Variants in DNAH7 observed in about 807,000 individuals in gnomAD.
DNAH7 encodes the protein dynein axonemal heavy chain 7.
Under a neutral mutation model 444.6 loss-of-function variants are expected in DNAH7, and 397 were observed. The ratio of observed to expected loss-of-function variants is 0.89; its 90% CI spans 0.82 to 0.97. The LOEUF is 0.97. Among genes scored for constraint, DNAH7 ranks in the 50% least tolerant of loss-of-function variants. The pLI is 0.00. For missense variants in DNAH7, 4,902 were observed against 4,800.8 expected, an observed-to-expected ratio of 1.02 and a Z score of -0.62; for synonymous variants, 1,636 against 1,624.4, an observed-to-expected ratio of 1.01 and a Z score of -0.17.
At chr2:195,966,503 T>C (rs1418858472) in intron 17 of DNAH7, among the ~76,000 whole-genome samples, 1 of 152,198 alleles carries the variant, frequency 6.6e-6, no homozygotes, top group Non-Finnish European at 1.5e-5. Context: ...TGTTTCTTTG[T>C]TGGTTTTCTG....
chr2:195,930,692 A>AAT (rs967029647), intron 21 of DNAH7, among the ~76,000 whole-genome samples: 11 of 152,108 alleles, frequency 7.2e-5, no homozygotes, highest in African/African-American at 2.7e-4. Context: ...TCCAAAAGAA[A>AAT]ATAAATTGTT....
At chr2:195,840,187 C>T (rs1045100482) in intron 47 of DNAH7, among the ~76,000 whole-genome samples, 1 of 151,546 alleles carries the variant, frequency 6.6e-6, no homozygotes, top group Non-Finnish European at 1.5e-5. Context: ...TCTGGAAATG[C>T]AAGGCTAGTT....
chr2:196,004,726 G>A (rs562824275), intron 10 of DNAH7, among the ~76,000 whole-genome samples: 40 of 151,776 alleles, frequency 2.6e-4, no homozygotes, highest in African/African-American at 7.7e-4. Context: ...AAGGTGGGAC[G>A]ATTTCTTGAG....
At chr2:196,004,360 T>C (rs1252158645) in intron 10 of DNAH7, among the ~76,000 whole-genome samples, 1 of 152,166 alleles carries the variant, frequency 6.6e-6, no homozygotes, top group Admixed American at 6.5e-5. Context: ...CACATGCAAG[T>C]TGCTTCTGAG....
In DNAH7 at chr2:195,864,651, C is replaced by G; in HGVS notation, c.7004G>C (p.Ser2335Thr). Reference protein sequence around the residue: ...RISRILKQPRSHALLVGVGGS... With the variant: ...RISRILKQPRTHALLVGVGGS... ...TCCAACCCCTACTAGGAGAGCATGG[C>G]TGCGAGGCTGCTTCAGGATCCTGGA... The change falls in exon 41 of 65, where the codon AGC becomes ACC. Residue 2335 changes from serine (S) to threonine (T), a missense_variant. Transcript: ENST00000312428. 1.2e-6 allele frequency: 2 copies of G among 1,614,180 alleles called. No homozygotes were observed. The highest frequency in any genetic ancestry group is 4.5e-5 in the East Asian group (2 of 44,880).
intron 19 of DNAH7, among the ~76,000 whole-genome samples, chr2:195,942,378 A>T (rs1285645543): frequency 6.6e-6 from 1 of 151,442 alleles, no homozygotes; most frequent in African/African-American, 2.4e-5. Flanking sequence ...AAAGAAGGAG[A>T]AGGAGAAGAG....
chr2:195,941,214 C>G (rs1689414289), intron 19 of DNAH7, among the ~76,000 whole-genome samples: 1 of 152,090 alleles, frequency 6.6e-6, no homozygotes, highest in Admixed American at 6.6e-5. Context: ...AGTTCATGTC[C>G]TTTGCGGGGA....
intron 5 of DNAH7, among the ~76,000 whole-genome samples, chr2:196,042,764 C>T (rs1696848396): frequency 6.6e-6 from 1 of 152,018 alleles, no homozygotes; most frequent in Non-Finnish European, 1.5e-5. Context: ...AGAAAATGTA[C>T]AGCAGCTTGG....
Position 195,834,300 on chromosome 2 carries a change from C to T in DNAH7, c.9006G>A (p.Lys3002=). 3.7e-6 allele frequency: 6 copies of T among 1,607,860 alleles called. No individual in the cohort carries two copies. Among genetic ancestry groups the T allele is most frequent in the Non-Finnish European group, 5.1e-6 (6 of 1,174,940 alleles). The change falls in exon 48 of 65, where the codon AAG becomes AAA. Residue 3002 remains lysine (K), a synonymous_variant. Transcript: ENST00000312428. ...DPQSQANKWI[K]NMEKANSLYV... is the part of the protein sequence containing the mutation. ...AAAGACTATTGGCTTTTTCCATGTT[C>T]TTGATCCATTTATTAGCCTGACTTT...
chr2:195,913,982 G>A (rs6738975), intron 24 of DNAH7, among the ~76,000 whole-genome samples: 23,660 of 152,124 alleles, frequency 0.16, 2,225 homozygotes, highest in African/African-American at 0.26. Flanking sequence ...TCAAAGTGCT[G>A]AGATTACAGG....
chr2:195,826,007 T>C (rs62201500), intron 48 of DNAH7, among the ~76,000 whole-genome samples: 14,343 of 152,282 alleles, frequency 0.094, 761 homozygotes, highest in African/African-American at 0.14. Context: ...TTATTTTTCA[T>C]GGTTAAATAA....
At chr2:195,897,966 A>G (rs1237078767) in intron 28 of DNAH7, among the ~76,000 whole-genome samples, 1 of 152,166 alleles carries the variant, frequency 6.6e-6, no homozygotes, top group Non-Finnish European at 1.5e-5. Flanking sequence ...AGTTTATAAT[A>G]AAAATACAGG....
intron 10 of DNAH7, among the ~76,000 whole-genome samples, chr2:196,009,525 T>C (rs1317967576): frequency 5.9e-5 from 9 of 152,152 alleles, no homozygotes; most frequent in Non-Finnish European, 1.3e-4. Flanking sequence ...ACAAAGAGAA[T>C]AAGCATTGCT....
Position 195,886,142 on chromosome 2 carries a change from T to G in DNAH7, c.5537A>C (p.Glu1846Ala), listed in dbSNP as rs768283562. 1.2e-6 allele frequency: 2 copies of G among 1,612,718 alleles called. No individual in the cohort carries two copies. The highest frequency in any genetic ancestry group is 2.2e-5 in the South Asian group (2 of 90,694). Reference protein sequence around the residue: ...RNDRETYSLLEGIFLFSLIWS... With the variant: ...RNDRETYSLLAGIFLFSLIWS... The stretch of plus-strand genomic sequence containing the variant: ...GATACAGAAGGCAACGGACCTTACC[T>G]CAAGCAAAGAGTAAGTTTCTCGATC... Residue 1846 changes from glutamate (E) to alanine (A), a missense_variant and splice_region_variant, in exon 34 of 65, where the codon GAG becomes GCG. By Grantham distance (107) the Glu-to-Ala change is moderately radical. Transcript: ENST00000312428.
intron 30 of DNAH7, 123 bp from the exon 31 acceptor site, chr2:195,891,927 G>A: frequency 1.4e-6 from 1 of 712,456 alleles, no homozygotes; most frequent in East Asian, 3.1e-5. Flanking sequence ...TAGTGAATTT[G>A]ACAAGGTCCC....
chr2:195,935,516 G>T (rs1201459822), intron 20 of DNAH7, among the ~76,000 whole-genome samples: 1 of 152,114 alleles, frequency 6.6e-6, no homozygotes, highest in Non-Finnish European at 1.5e-5. Flanking sequence ...TATATCAGAT[G>T]CTCTTCTAAA....
chr2:195,742,038 C>T (rs573817548), intron 63 of DNAH7, among the ~76,000 whole-genome samples: 2 of 152,156 alleles, frequency 1.3e-5, no homozygotes, highest in African/African-American at 4.8e-5. Context: ...AAGAATACGT[C>T]GGAATATAGT....
At chr2:196,002,672 G>C (rs569981723) in intron 10 of DNAH7, among the ~76,000 whole-genome samples, 3 of 152,074 alleles carry the variant, frequency 2.0e-5, no homozygotes, top group Non-Finnish European at 4.4e-5. Flanking sequence ...TATGTGTTAA[G>C]TGTCTACTAC....
chr2:195,912,824 T>C (rs751366690), intron 24 of DNAH7, among the ~76,000 whole-genome samples: 1 of 152,190 alleles, frequency 6.6e-6, no homozygotes, highest in Non-Finnish European at 1.5e-5. Flanking sequence ...TATTGAGGGA[T>C]GAAACCAAGG....
Sources: gnomAD v4.1 joint callset for allele counts (sites outside exome capture counted in the v4.1 genomes callset) on GRCh38, gnomAD v4.1.1 for gene constraint, MANE v1.5 for transcripts, NCBI Gene and HGNC (gene_info 2026-07-23, HGNC 2026-07-21) for gene names.